The following DEPTOR variants were observed in gnomAD, a reference collection of about 807,000 sequenced individuals.
DEPTOR encodes DEP domain containing MTOR interacting protein.
A neutral mutation model predicts 41.6 loss-of-function variants in DEPTOR; 41 were observed. The ratio of observed to expected loss-of-function variants is 0.98; its 90% CI spans 0.77 to 1.28. The LOEUF (loss-of-function observed/expected upper bound fraction) is 1.28, where lower values mean the gene tolerates loss of function less well. DEPTOR is among the 50% of genes most tolerant of loss of function. The probability of loss-of-function intolerance (pLI) is 0.00; values close to 1 mark genes in which losing one functional copy is unlikely to be tolerated. For synonymous variants in DEPTOR, 195 were observed against 192.3 expected (o/e 1.01, Z -0.12); for missense variants, 514 against 527.9 (o/e 0.97, Z 0.26).
At chr8:119,902,294 C>T (rs1827604852) in intron 1 of DEPTOR, among the ~76,000 whole-genome samples, 1 of 152,054 alleles carries the variant, frequency 6.6e-6, no homozygotes, top group Admixed American at 6.6e-5. Flanking sequence ...GTGACTTGGC[C>T]ATGGGCACAC....
At chr8:119,983,206 G>A (rs1482263171) in intron 4 of DEPTOR, among the ~76,000 whole-genome samples, 1 of 151,948 alleles carries the variant, frequency 6.6e-6, no homozygotes, top group Non-Finnish European at 1.5e-5. Context: ...GCATAAGGGA[G>A]CTATCTGTAC....
chr8:120,040,460 C>CA (rs1256168345), intron 8 of DEPTOR, among the ~76,000 whole-genome samples: 1 of 151,926 alleles, frequency 6.6e-6, no homozygotes, highest in Non-Finnish European at 1.5e-5. Flanking sequence ...CCTGTAGTCC[C>CA]AGCTACTCGG....
chr8:120,033,966 C>T (rs1171664208), intron 8 of DEPTOR, among the ~76,000 whole-genome samples: 1 of 152,046 alleles, frequency 6.6e-6, no homozygotes, highest in Non-Finnish European at 1.5e-5. Context: ...CCACCGGGGG[C>T]TGAAGCAGGA....
At chr8:119,975,625 T>C (rs955607883) in intron 4 of DEPTOR, among the ~76,000 whole-genome samples, 1 of 152,026 alleles carries the variant, frequency 6.6e-6, no homozygotes, top group South Asian at 2.1e-4. Flanking sequence ...GGTGAGGGAT[T>C]TTCAGTATAC....
chr8:119,906,813 C>T (rs1827669773), intron 1 of DEPTOR, among the ~76,000 whole-genome samples: 2 of 152,192 alleles, frequency 1.3e-5, no homozygotes, highest in Admixed American at 6.5e-5. Context: ...CTCTAGCCCT[C>T]ACTGTTTATC....
At chr8:119,986,479 C>T (rs1006579728) in intron 4 of DEPTOR, among the ~76,000 whole-genome samples, 2 of 152,006 alleles carry the variant, frequency 1.3e-5, no homozygotes, top group African/African-American at 2.4e-5. Flanking sequence ...TCATTTCAAC[C>T]TTGGTGAATC....
intron 3 of DEPTOR, among the ~76,000 whole-genome samples, chr8:119,949,466 C>G (rs1490923386): frequency 1.3e-5 from 2 of 152,170 alleles, no homozygotes; most frequent in African/African-American, 4.8e-5. Context: ...TCTGAAGTGC[C>G]TGCACCATTT....
At chr8:120,008,948 G>T in intron 7 of DEPTOR, 81 bp from the exon 8 acceptor site, 1 of 1,291,204 alleles carries the variant, frequency 7.7e-7, no homozygotes, top group Non-Finnish European at 1.1e-6. Flanking sequence ...CTTAATCCTG[G>T]GCTGGTTTTC....
chr8:119,974,436 G>A (rs1481517087), intron 4 of DEPTOR, among the ~76,000 whole-genome samples: 1 of 151,960 alleles, frequency 6.6e-6, no homozygotes, highest in African/African-American at 2.4e-5. Context: ...AAATATGGGT[G>A]AAAATCCAGA....
At chr8:119,945,513 A>G (rs1470454859) in intron 3 of DEPTOR, among the ~76,000 whole-genome samples, 1 of 152,240 alleles carries the variant, frequency 6.6e-6, no homozygotes, top group African/African-American at 2.4e-5. Flanking sequence ...GGCTAAGTAG[A>G]TGCTTTCAAT....
intron 8 of DEPTOR, among the ~76,000 whole-genome samples, chr8:120,023,441 G>A (rs57288229): frequency 0.021 from 3,119 of 151,866 alleles, 114 homozygotes; most frequent in African/African-American, 0.071. Flanking sequence ...GGGCCACCAC[G>A]CCCAGCCTAA....
At chr8:119,921,783 C>G (rs1234930531) in intron 1 of DEPTOR, among the ~76,000 whole-genome samples, 2 of 134,948 alleles carry the variant, frequency 1.5e-5, no homozygotes, top group East Asian at 4.0e-4. Context: ...TTTTTTGAAA[C>G]AGGGTCTTGC....
intron 8 of DEPTOR, among the ~76,000 whole-genome samples, chr8:120,039,839 T>C (rs1813032838): frequency 6.6e-6 from 1 of 152,170 alleles, no homozygotes; most frequent in African/African-American, 2.4e-5. Flanking sequence ...ACTTTTATTG[T>C]TTTTTATTTG....
At chr8:119,876,262 G>C (rs1827230168) in intron 1 of DEPTOR, among the ~76,000 whole-genome samples, 1 of 152,154 alleles carries the variant, frequency 6.6e-6, no homozygotes, top group Admixed American at 6.6e-5. Flanking sequence ...TTGAATGACT[G>C]CTCCACCATT....
rs2130015035 is a variant in DEPTOR, at chr8:119,979,855, G to A, written c.604+14445G>A. Among the ~76,000 whole-genome samples the A allele has an allele frequency of 1.3e-5, 2 of 152,138 alleles. 1 individual carries two copies. Among genetic ancestry groups the A allele is most frequent in the South Asian group, 4.2e-4 (2 of 4,814 alleles). On this transcript the variant is annotated intron_variant, in intron 4 of 8. Coordinates refer to ENST00000286234, the MANE Select transcript of DEPTOR (RefSeq NM_022783.4). The stretch of plus-strand genomic sequence containing the variant: ...TGGTGCTGAAATCATAACCTCAATG[G>A]GGGATTCCTCTTAAGTGGGAACAAA...
At chr8:119,897,447 C>A (rs1225024565) in intron 1 of DEPTOR, among the ~76,000 whole-genome samples, 1 of 152,104 alleles carries the variant, frequency 6.6e-6, no homozygotes, top group Non-Finnish European at 1.5e-5. Context: ...GCAGGCGAAT[C>A]ATTTGAACCT....
At chr8:119,997,150 T>G (rs1812278787) in intron 4 of DEPTOR, among the ~76,000 whole-genome samples, 2 of 152,158 alleles carry the variant, frequency 1.3e-5, no homozygotes, top group African/African-American at 4.8e-5. Flanking sequence ...TCACTATGTT[T>G]CCCAAGCTGG....
intron 1 of DEPTOR, among the ~76,000 whole-genome samples, chr8:119,886,258 A>G (rs916100917): frequency 3.9e-5 from 6 of 152,168 alleles, no homozygotes; most frequent in African/African-American, 1.4e-4. Flanking sequence ...GTAGAACAGG[A>G]ATGTCAGGCC....
intron 3 of DEPTOR, among the ~76,000 whole-genome samples, chr8:119,963,307 C>CAG (rs1828515594): frequency 6.6e-6 from 1 of 151,734 alleles, no homozygotes; most frequent in African/African-American, 2.4e-5. Flanking sequence ...GATTGATGTC[C>CAG]CCCTAGCCAA....
Sources: allele counts gnomAD v4.1 joint callset (sites outside exome capture counted in the v4.1 genomes callset), GRCh38; gene constraint gnomAD v4.1.1; transcripts MANE v1.5; gene names NCBI Gene and HGNC (gene_info 2026-07-23, HGNC 2026-07-21).